P4HA1: variants seen among roughly 807,000 people sequenced by gnomAD.
P4HA1 encodes the protein prolyl 4-hydroxylase subunit alpha 1, also known as prolyl 4-hydroxylase subunit alpha-1.
Under a neutral mutation model 72.8 loss-of-function variants are expected in P4HA1, and 24 were observed. The observed-to-expected ratio is 0.33, with a 90% CI of 0.24 to 0.46. P4HA1 has a LOEUF of 0.46. P4HA1 is among the 20% of genes least tolerant of loss of function. The probability of loss-of-function intolerance (pLI) is 1.00; values close to 1 mark genes in which losing one functional copy is unlikely to be tolerated. For missense variants in P4HA1, 446 were observed against 640.6 expected (o/e 0.70, Z 3.28); for synonymous variants, 201 against 218.8 (o/e 0.92, Z 0.72).
chr10:73,026,658 A>G lies in P4HA1; in HGVS notation c.1248+3613T>C, dbSNP rs372130087. On this transcript the variant is annotated intron_variant, in intron 10 of 14. Coordinates refer to ENST00000394890, the MANE Select transcript of P4HA1 (RefSeq NM_001017962.3). Reference sequence around the variant, plus strand: ...GCATGGCAAAAGAAACTACCATCAGAGTGAACAGGCAACCTACAGAATGGG... The same window carrying G: ...GCATGGCAAAAGAAACTACCATCAGGGTGAACAGGCAACCTACAGAATGGG... Among the ~76,000 whole-genome samples the G allele has an allele frequency of 5.9e-5, 9 of 152,352 alleles. No individual in the cohort carries two copies. In the East Asian group the frequency reaches 1.5e-3, roughly 26 times the overall value.
chr10:73,032,072 G>A (rs564479723), intron 9 of P4HA1, among the ~76,000 whole-genome samples: 1 of 152,230 alleles, frequency 6.6e-6, no homozygotes, highest in South Asian at 2.1e-4. Flanking sequence ...AAAAATTCAT[G>A]AATACCAACT....
chr10:73,009,589 G>T (rs909083052), intron 14 of P4HA1: 1 of 464,430 alleles, frequency 2.2e-6, no homozygotes, highest in Non-Finnish European at 3.9e-6. Context: ...GTCAGTCATT[G>T]TTTCTTGGAA....
intron 5 of P4HA1, among the ~76,000 whole-genome samples, chr10:73,060,092 A>G (rs1015761604): frequency 1.3e-5 from 2 of 152,190 alleles, no homozygotes; most frequent in East Asian, 3.8e-4. Context: ...TGTCTTTAAA[A>G]CAAGATTTTG....
At position 73,072,260 on chromosome 10, in the gene P4HA1, AT is replaced by A. The variant is rs1589619929; in HGVS notation, c.174-81del. The A allele has an allele frequency of 2.5e-6, 3 of 1,201,766 alleles. No individual in the cohort carries two copies. The East Asian group carries it at 7.0e-5, about 28-fold the overall frequency. The allele number at this position is 1,201,766 out of a possible 1,614,324, so 74.4% of individuals were successfully genotyped here. A position where few individuals can be genotyped will look rare whatever the true frequency, so the allele number is the denominator to read the frequency against. On this transcript the variant is annotated intron_variant, in intron 3 of 14. Coordinates refer to ENST00000394890, the MANE Select transcript of P4HA1 (RefSeq NM_001017962.3). Reference sequence around the variant, plus strand: ...ATTTAATGAAACGCTCAGAAAAAAAATGACTAGAAGTTTTTGAGTTCAACTA... The same window carrying A: ...ATTTAATGAAACGCTCAGAAAAAAAAGACTAGAAGTTTTTGAGTTCAACTA...
At chr10:73,071,173 G>C (rs1057061005) in intron 4 of P4HA1, 12 of 147,228 alleles carry the variant, frequency 8.2e-5, no homozygotes, top group African/African-American at 3.1e-4. Flanking sequence ...GCAACAGTTA[G>C]ACAGTGAGAC....
At chr10:73,078,600 ATTTTTTTTTTT>A (rs770821126) in intron 1 of P4HA1, among the ~76,000 whole-genome samples, 86 of 99,700 alleles carry the variant, frequency 8.6e-4, no homozygotes, top group African/African-American at 3.7e-3. Context: ...GCAGTAGGTA[ATTTTTTTTTTT>A]TTTTTTTTTT....
intron 11 of P4HA1, among the ~76,000 whole-genome samples, chr10:73,014,600 A>C (rs564307545): frequency 6.6e-6 from 1 of 152,152 alleles, no homozygotes; most frequent in African/African-American, 2.4e-5. Context: ...GAACTTGTAT[A>C]CTGGATACTT....
At chr10:73,093,925 CACAT>C (rs1287976736) in intron 1 of P4HA1, among the ~76,000 whole-genome samples, 1 of 120,368 alleles carries the variant, frequency 8.3e-6, no homozygotes, top group Admixed American at 9.3e-5. Context: ...CACACACACA[CACAT>C]ACTCATTTTA....
In P4HA1 at chr10:73,053,579, T is replaced by C; in HGVS notation, c.475A>G (p.Lys159Glu). 1 of 1,613,746 alleles carries C rather than the reference T, an allele frequency of 6.2e-7. No homozygotes were observed. The highest frequency in any genetic ancestry group is 8.5e-7 in the Non-Finnish European group (1 of 1,179,886). The change falls in exon 6 of 15, where the codon AAA becomes GAA. Residue 159 changes from lysine (K) to glutamate (E), a missense_variant. Lys to Glu is a moderately conservative substitution (Grantham distance 56, BLOSUM62 1). Transcript: ENST00000394890. The stretch of plus-strand genomic sequence containing the variant: ...CAGTCCTCAGCCGTTAGAAAAGATT[T>C]GTGTTTCACTCCTATGAAAAGAAAA... ...SKGNLPGVKH[K>E]SFLTAEDCFE...
At chr10:73,048,535 G>C (rs1373413864) in intron 7 of P4HA1, among the ~76,000 whole-genome samples, 2 of 152,170 alleles carry the variant, frequency 1.3e-5, no homozygotes, top group Non-Finnish European at 2.9e-5. Context: ...AAAGTGCTGA[G>C]ATTACAGGCA....
intron 1 of P4HA1, among the ~76,000 whole-genome samples, chr10:73,087,958 G>C (rs1194934367): frequency 6.6e-6 from 1 of 152,088 alleles, no homozygotes; most frequent in African/African-American, 2.4e-5. Flanking sequence ...TCATGTTCTT[G>C]GCATCATGTC....
chr10:73,016,698 A>C, intron 11 of P4HA1, 148 bp downstream of exon 11: 1 of 478,158 alleles, frequency 2.1e-6, no homozygotes, highest in Admixed American at 3.2e-5. Context: ...AATTGCTCCA[A>C]CCCAGGAGGC....
chr10:73,078,558 T>C (rs1841752905), intron 1 of P4HA1, among the ~76,000 whole-genome samples: 1 of 150,944 alleles, frequency 6.6e-6, no homozygotes, highest in Non-Finnish European at 1.5e-5. Flanking sequence ...CAGAGGAAAT[T>C]CACCAAAGTG....
rs1411667419 is a variant in P4HA1, at chr10:73,038,868, C to T, written c.1148+6113G>A. 8.2e-5 allele frequency among the ~76,000 whole-genome samples: 9 copies of T among 109,998 alleles called. 1 individual carries two copies. Among genetic ancestry groups the T allele is most frequent in the Admixed American group, 7.4e-4 (9 of 12,178 alleles). The allele number at this position is 109,998 out of a possible 152,430, so 72.2% of individuals were successfully genotyped here. A position where few individuals can be genotyped will look rare whatever the true frequency, so the allele number is the denominator to read the frequency against. On this transcript the variant is annotated intron_variant, in intron 9 of 14. Coordinates refer to ENST00000394890, the MANE Select transcript of P4HA1 (RefSeq NM_001017962.3). ...GTCTCGATCTCCTGACCTCGTGATCCGCCCGCCTCGGCCTCCCAAAGTGCT... is the reference window on the plus strand; with the variant it reads ...GTCTCGATCTCCTGACCTCGTGATCTGCCCGCCTCGGCCTCCCAAAGTGCT...
intron 1 of P4HA1, among the ~76,000 whole-genome samples, chr10:73,078,444 T>G (rs926416543): frequency 6.6e-6 from 1 of 152,054 alleles, no homozygotes; most frequent in African/African-American, 2.4e-5. Context: ...TTGACTAAGA[T>G]TATGTTTTCA....
chr10:73,028,440 T>C (rs888972755), intron 10 of P4HA1, among the ~76,000 whole-genome samples: 2 of 152,130 alleles, frequency 1.3e-5, no homozygotes, highest in Admixed American at 1.3e-4. Context: ...TATTTATTTA[T>C]TTATTTCTGA....
intron 9 of P4HA1, among the ~76,000 whole-genome samples, chr10:73,039,854 C>CTTTTTTTT (rs765288935): frequency 1.7e-4 from 15 of 86,996 alleles, no homozygotes; most frequent in African/African-American, 4.8e-4. Context: ...CTGAGATGGC[C>CTTTTTTTT]TTTTTTTTTT....
At chr10:73,075,146 C>T (rs952744270) in intron 1 of P4HA1, among the ~76,000 whole-genome samples, 1 of 152,120 alleles carries the variant, frequency 6.6e-6, no homozygotes, top group African/African-American at 2.4e-5. Context: ...GAGTCTCTGT[C>T]GCCCAGGCTG....
intron 9 of P4HA1, among the ~76,000 whole-genome samples, 153 bp from the exon 10 acceptor site, chr10:73,030,523 T>C (rs1840409066): frequency 1.3e-5 from 2 of 152,200 alleles, no homozygotes; most frequent in African/African-American, 4.8e-5. Context: ...TCATCTTTAT[T>C]AATGGATATT....
Sources: gnomAD v4.1 joint callset for allele counts (sites outside exome capture counted in the v4.1 genomes callset) on GRCh38, gnomAD v4.1.1 for gene constraint, MANE v1.5 for transcripts, NCBI Gene and HGNC (gene_info 2026-07-23, HGNC 2026-07-21) for gene names.